Variants in LYRM4 observed in about 807,000 individuals in gnomAD.
The protein encoded by LYRM4 is LYR motif-containing protein 4.
A neutral mutation model predicts 11.7 loss-of-function variants in LYRM4; 9 were observed. The ratio of observed to expected loss-of-function variants is 0.77; its 90% CI spans 0.46 to 1.34. The LOEUF (loss-of-function observed/expected upper bound fraction) is 1.34, where lower values mean the gene tolerates loss of function less well. LYRM4 is among the 40% of genes most tolerant of loss of function. LYRM4 has a pLI of 0.00. For synonymous variants in LYRM4, 42 were observed against 40.4 expected (o/e 1.04, Z -0.15); for missense variants, 133 against 112.5 (o/e 1.18, Z -0.82).
At chr6:5,079,698 C>T in the LYRM4 span, among the ~76,000 whole-genome samples, 1 of 152,322 alleles carries the variant, frequency 6.6e-6, no homozygotes, top group South Asian at 2.1e-4. Context: ...AACAACAAAA[C>T]TAAACATACT....
At chr6:5,131,945 C>G (rs1763973378) in intron 2 of LYRM4, among the ~76,000 whole-genome samples, 2 of 142,890 alleles carry the variant, frequency 1.4e-5, no homozygotes, top group South Asian at 4.6e-4. Flanking sequence ...CCCTGACTTA[C>G]GCCTTTATCT....
intron 2 of LYRM4, among the ~76,000 whole-genome samples, chr6:5,144,795 CG>C (rs766843176): frequency 2.9e-4 from 44 of 152,294 alleles, no homozygotes; most frequent in Non-Finnish European, 5.4e-4. Context: ...CGCTCACTCC[CG>C]GGCTGCCCGG....
chr6:5,068,398 C>T, the LYRM4 span, among the ~76,000 whole-genome samples: 1 of 152,206 alleles, frequency 6.6e-6, no homozygotes, highest in East Asian at 1.9e-4. This position sits in a 1 kb window ranked among gnomAD's most constrained non-coding sequence, Gnocchi z 4.0. Flanking sequence ...AGCCATGGGC[C>T]ACTGTTTACT....
chr6:5,064,899 G>A, the LYRM4 span, among the ~76,000 whole-genome samples: 196 of 152,042 alleles, frequency 1.3e-3, 1 homozygote, highest in African/African-American at 4.4e-3. Flanking sequence ...TTAAACTAAA[G>A]TCCATAGTTT....
chr6:5,115,945 C>T (rs533783568), intron 2 of LYRM4, among the ~76,000 whole-genome samples: 51 of 152,148 alleles, frequency 3.4e-4, no homozygotes, highest in Non-Finnish European at 6.5e-4. Context: ...CCTCAGTTCC[C>T]CTACATGAGC....
chr6:5,099,888 C>A (rs1025891133), downstream of LYRM4, among the ~76,000 whole-genome samples: 1 of 152,222 alleles, frequency 6.6e-6, no homozygotes, highest in Non-Finnish European at 1.5e-5. This position sits in a 1 kb window ranked among gnomAD's most constrained non-coding sequence, Gnocchi z 4.3. Context: ...CAAACAAATA[C>A]ACACACAGAG....
chr6:5,040,208 A>G, the LYRM4 span, among the ~76,000 whole-genome samples: 240 of 151,954 alleles, frequency 1.6e-3, no homozygotes, highest in Non-Finnish European at 3.0e-3. Context: ...AGTCCCAGCT[A>G]CTTCGGAGGC....
the LYRM4 span, among the ~76,000 whole-genome samples, chr6:5,071,877 T>C: frequency 6.6e-6 from 1 of 152,090 alleles, no homozygotes; most frequent in Admixed American, 6.5e-5. Flanking sequence ...ACTCCTGACC[T>C]CAAGTGATCT....
intron 2 of LYRM4, among the ~76,000 whole-genome samples, chr6:5,175,674 T>C (rs910756958): frequency 1.7e-4 from 26 of 152,176 alleles, no homozygotes; most frequent in Non-Finnish European, 1.5e-5. Context: ...GTTCCCACAC[T>C]TTGAATCTGA....
At chr6:5,225,166 T>G (rs1019701621) in intron 1 of LYRM4, among the ~76,000 whole-genome samples, 1 of 144,802 alleles carries the variant, frequency 6.9e-6, no homozygotes, top group Non-Finnish European at 1.5e-5. Context: ...GAGAATGGCG[T>G]GAACCTGGGA....
chr6:5,111,708 C>T (rs1207540512), intron 2 of LYRM4, among the ~76,000 whole-genome samples: 3 of 152,198 alleles, frequency 2.0e-5, no homozygotes, highest in Admixed American at 1.3e-4. Flanking sequence ...CTGCTTCTGG[C>T]ACTCTGGAAG....
At chr6:5,154,767 C>G (rs558189043) in intron 2 of LYRM4, among the ~76,000 whole-genome samples, 1 of 151,974 alleles carries the variant, frequency 6.6e-6, no homozygotes, top group Non-Finnish European at 1.5e-5. Flanking sequence ...TGCAGTGAGC[C>G]GGGATCGCGC....
chr6:5,056,805 A>G, the LYRM4 span, among the ~76,000 whole-genome samples: 1 of 152,218 alleles, frequency 6.6e-6, no homozygotes, highest in South Asian at 2.1e-4. Context: ...TTTCAAGAAA[A>G]TGTCTACCAG....
Position 5,195,654 on chromosome 6 carries a change from A to T in LYRM4, c.207+20964T>A, listed in dbSNP as rs181272228. ...CTGTCTCATCAAAACAAAACAAAACAAAGAACCCCCACAGTATGAAGCCCT... is the reference window on the plus strand; with the variant it reads ...CTGTCTCATCAAAACAAAACAAAACTAAGAACCCCCACAGTATGAAGCCCT... On this transcript the variant is annotated intron_variant, in intron 2 of 2. Transcript: ENST00000330636. Among the ~76,000 whole-genome samples the T allele has an allele frequency of 2.3e-3, 353 of 152,168 alleles. 1 individual carries two copies. The highest frequency in any genetic ancestry group is 4.3e-3 in the Non-Finnish European group (294 of 67,992).
intron 2 of LYRM4, among the ~76,000 whole-genome samples, chr6:5,192,093 T>C (rs979258070): frequency 6.6e-6 from 1 of 152,168 alleles, no homozygotes; most frequent in Non-Finnish European, 1.5e-5. Flanking sequence ...TATAGGACAA[T>C]GGAGGAAATC....
intron 2 of LYRM4, among the ~76,000 whole-genome samples, chr6:5,172,250 A>T (rs1227664319): frequency 2.0e-5 from 3 of 152,200 alleles, no homozygotes; most frequent in Non-Finnish European, 4.4e-5. Flanking sequence ...GTGTTCCAAC[A>T]TGCTGGGAAA....
intron 2 of LYRM4, among the ~76,000 whole-genome samples, chr6:5,114,628 C>T (rs1303639868): frequency 6.6e-6 from 1 of 152,118 alleles, no homozygotes; most frequent in Non-Finnish European, 1.5e-5. Flanking sequence ...TCTGTTCTTT[C>T]TCTCTTTAAA....
the LYRM4 span, among the ~76,000 whole-genome samples, chr6:5,046,431 A>T: frequency 6.6e-6 from 1 of 151,920 alleles, no homozygotes; most frequent in Non-Finnish European, 1.5e-5. Flanking sequence ...CAGATATTCC[A>T]CTATTTTTTA....
At chr6:5,184,449 C>A (rs891742167) in intron 2 of LYRM4, among the ~76,000 whole-genome samples, 1 of 152,098 alleles carries the variant, frequency 6.6e-6, no homozygotes, top group Non-Finnish European at 1.5e-5. Flanking sequence ...TATTAATAAG[C>A]ACATAGCCAT....
Sources: gnomAD v4.1 joint callset for allele counts (sites outside exome capture counted in the v4.1 genomes callset) on GRCh38, gnomAD v4.1.1 for gene constraint, Gnocchi (gnomAD v3.1) non-coding constraint, MANE v1.5 for transcripts, NCBI Gene and HGNC (gene_info 2026-07-23, HGNC 2026-07-21) for gene names.